The following TRDN variants were observed in gnomAD, a reference collection of about 807,000 sequenced individuals.
TRDN encodes the protein triadin, also known as triadin in skeletal muscle.
Under a neutral mutation model 149.7 loss-of-function variants are expected in TRDN, and 161 were observed. The ratio of observed to expected loss-of-function variants is 1.08; its 90% confidence interval spans 0.95 to 1.23. The LOEUF is 1.23. TRDN is among the 50% of genes most tolerant of loss of function. The pLI, the probability that TRDN is intolerant of heterozygous loss-of-function variation, is 0.00. For synonymous variants in TRDN, 294 were observed against 250.5 expected (o/e 1.17, Z -1.64); for missense variants, 896 against 823.5 (o/e 1.09, Z -1.08).
At chr6:123,350,351 G>T in intron 21 of TRDN, 1 of 944,954 alleles carries the variant, frequency 1.1e-6, no homozygotes, top group Non-Finnish European at 1.3e-6. Flanking sequence ...AGATCACAAA[G>T]TGTACTTAAA....
chr6:123,248,423 G>C (rs900423536), intron 38 of TRDN, among the ~76,000 whole-genome samples: 3 of 152,002 alleles, frequency 2.0e-5, no homozygotes, highest in Admixed American at 6.6e-5. Flanking sequence ...CAGGTGTGGT[G>C]GTGGGCACCT....
chr6:123,459,301 A>G (rs6899730), intron 10 of TRDN, among the ~76,000 whole-genome samples: 135,595 of 152,208 alleles, frequency 0.89, 60,677 homozygotes, highest in East Asian at 1. Flanking sequence ...TTTGGCCTAT[A>G]AGAGCAACAT....
intron 1 of TRDN, among the ~76,000 whole-genome samples, chr6:123,625,873 T>C (rs1785636458): frequency 1.3e-5 from 2 of 152,170 alleles, no homozygotes; most frequent in Admixed American, 6.6e-5. Context: ...ATCAGGGTGA[T>C]GGTTGCTAAA....
At chr6:123,279,907 A>G (rs1225080390) in intron 24 of TRDN, among the ~76,000 whole-genome samples, 1 of 152,198 alleles carries the variant, frequency 6.6e-6, no homozygotes, top group East Asian at 1.9e-4. Flanking sequence ...ATAACATAAC[A>G]GGGGTCTAAT....
chr6:123,531,147 T>C (rs1311270955), intron 4 of TRDN, among the ~76,000 whole-genome samples: 1 of 152,028 alleles, frequency 6.6e-6, no homozygotes, highest in African/African-American at 2.4e-5. Flanking sequence ...TTAGCAAATA[T>C]ATTCAATTTT....
At chr6:123,552,778 G>T (rs181183380) in intron 2 of TRDN, among the ~76,000 whole-genome samples, 1 of 152,080 alleles carries the variant, frequency 6.6e-6, no homozygotes, top group East Asian at 1.9e-4. Context: ...TCTAGTCCTG[G>T]TACTTCCCCA....
rs139843907 is a variant in TRDN, at chr6:123,436,027, A to T, written c.1051+2036T>A. ...CATACGCATGAGCACACACAAACAC[A>T]CACAAAACCATTGAGTTTTGCCAAA... On this transcript the variant is annotated intron_variant, in intron 12 of 40. Coordinates refer to ENST00000334268, the MANE Select transcript of TRDN (RefSeq NM_006073.4). Among the ~76,000 whole-genome samples, 14 of 152,250 alleles carry T rather than the reference A, an allele frequency of 9.2e-5. No individual in the cohort carries two copies. In the East Asian group the frequency reaches 2.7e-3, roughly 29 times the overall value.
At chr6:123,608,834 G>T (rs537429965) in intron 1 of TRDN, among the ~76,000 whole-genome samples, 2 of 151,464 alleles carry the variant, frequency 1.3e-5, no homozygotes, top group Non-Finnish European at 2.9e-5. Context: ...ATGAATCACT[G>T]AGCAAAAATA....
At chr6:123,381,229 TCAC>T in intron 16 of TRDN, 138 bp downstream of exon 16, 1 of 741,236 alleles carries the variant, frequency 1.3e-6, no homozygotes, top group African/African-American at 1.8e-5. Context: ...GTGTATTTTT[TCAC>T]TTGGACAAAA....
chr6:123,537,000 T>C (rs1471447243), intron 4 of TRDN, among the ~76,000 whole-genome samples: 1 of 152,094 alleles, frequency 6.6e-6, no homozygotes, highest in Non-Finnish European at 1.5e-5. Context: ...AAAGCTAAAT[T>C]GTAATTATAT....
intron 1 of TRDN, among the ~76,000 whole-genome samples, chr6:123,582,740 GTCT>G (rs1230253167): frequency 6.6e-6 from 1 of 152,130 alleles, no homozygotes; most frequent in African/African-American, 2.4e-5. Context: ...TGACATTCCT[GTCT>G]TCTTATATTA....
chr6:123,405,960 T>C (rs1453703144), intron 12 of TRDN, among the ~76,000 whole-genome samples: 1 of 152,204 alleles, frequency 6.6e-6, no homozygotes, highest in Non-Finnish European at 1.5e-5. Context: ...TAATGTTTTA[T>C]AGTTCATATT....
At chr6:123,529,534 A>G (rs1407184701) in intron 5 of TRDN, 2 of 610,038 alleles carry the variant, frequency 3.3e-6, no homozygotes, top group African/African-American at 3.7e-5. Context: ...AACAACAGCA[A>G]CAACATGGCA....
At chr6:123,399,163 A>G (rs1772857435) in intron 12 of TRDN, among the ~76,000 whole-genome samples, 2 of 152,194 alleles carry the variant, frequency 1.3e-5, no homozygotes, top group African/African-American at 2.4e-5. Context: ...AAGAATTTGG[A>G]TGCTTTTACT....
At chr6:123,471,591 C>G (rs1309331990) in intron 9 of TRDN, 1 of 152,206 alleles carries the variant, frequency 6.6e-6, no homozygotes, top group Non-Finnish European at 1.5e-5. Flanking sequence ...AGGACATCCT[C>G]CAGGCCAAAA....
At chr6:123,582,342 G>A (rs1350672374) in intron 1 of TRDN, among the ~76,000 whole-genome samples, 15 of 152,052 alleles carry the variant, frequency 9.9e-5, no homozygotes, top group African/African-American at 1.4e-4. Context: ...GATTTCATGC[G>A]CGTCCGTGTG....
intron 13 of TRDN, among the ~76,000 whole-genome samples, chr6:123,393,273 A>G (rs1283049598): frequency 6.6e-6 from 1 of 152,118 alleles, no homozygotes; most frequent in East Asian, 1.9e-4. Flanking sequence ...TACAAGGTAT[A>G]CTGAAAATTA....
At position 123,393,646 on chromosome 6, in the gene TRDN, C is replaced by T. The variant is rs878854815; in HGVS notation, c.1083G>A (p.Gly361=). 1.2e-6 allele frequency: 2 copies of T among 1,606,694 alleles called. No homozygotes were observed. Among genetic ancestry groups the T allele is most frequent in the Non-Finnish European group, 1.7e-6 (2 of 1,175,926 alleles). The change falls in exon 13 of 41, where the codon GGG becomes GGA. Residue 361 remains glycine (G), a synonymous_variant. Coordinates refer to ENST00000334268, the MANE Select transcript of TRDN (RefSeq NM_006073.4). ...TACCTTGTGCTGCAATTTTTACAGT[C>T]CCTTGTTTGGTTTCAGAAGCTTTTC... ...EPGKASETKQ[G]TVKIAAQAAA... is the part of the protein sequence containing the mutation.
intron 20 of TRDN, 96 bp downstream of exon 20, chr6:123,366,039 A>G: frequency 9.0e-7 from 1 of 1,106,198 alleles, no homozygotes; most frequent in Non-Finnish European, 1.3e-6. Context: ...AAATCAATAA[A>G]TAGAGCTCTT....
Sources: gnomAD v4.1 joint callset for allele counts (sites outside exome capture counted in the v4.1 genomes callset) on GRCh38, gnomAD v4.1.1 for gene constraint, MANE v1.5 for transcripts, NCBI Gene and HGNC (gene_info 2026-07-23, HGNC 2026-07-21) for gene names.